Variants in STK31 observed in about 807,000 individuals in gnomAD.
STK31 encodes the protein serine/threonine-protein kinase 31.
In STK31, 89 loss-of-function variants were observed where a neutral mutation model predicts 129.7. The observed-to-expected ratio is 0.69, with a 90% CI of 0.58 to 0.82. STK31 has a LOEUF of 0.82. Among genes scored for constraint, STK31 ranks in the 40% least tolerant of loss-of-function variants. The probability of loss-of-function intolerance (pLI) is 0.00; values close to 1 mark genes in which losing one functional copy is unlikely to be tolerated. For synonymous variants in STK31, 448 were observed against 395.3 expected (o/e 1.13, Z -1.58); for missense variants, 1,187 against 1,176.4 (o/e 1.01, Z -0.13).
intron 15 of STK31, among the ~76,000 whole-genome samples, chr7:23,777,563 A>T (rs1463918360): frequency 6.6e-6 from 1 of 152,040 alleles, no homozygotes; most frequent in African/African-American, 2.4e-5. Context: ...TGTTGCACTG[A>T]TCCCTTTACC....
At chr7:23,818,360 A>T (rs1210879684) in intron 23 of STK31, among the ~76,000 whole-genome samples, 1 of 152,146 alleles carries the variant, frequency 6.6e-6, no homozygotes, top group African/African-American at 2.4e-5. Context: ...TTAAATTTAC[A>T]TTCAGTTTTT....
chr7:23,764,353 T>C (rs192046190), intron 11 of STK31, among the ~76,000 whole-genome samples: 12 of 152,224 alleles, frequency 7.9e-5, no homozygotes, highest in African/African-American at 2.2e-4. Context: ...TTGCCTTAAC[T>C]GGCTTGTCTC....
intron 22 of STK31, among the ~76,000 whole-genome samples, chr7:23,793,823 G>A (rs935991469): frequency 2.0e-5 from 3 of 152,184 alleles, no homozygotes; most frequent in Admixed American, 6.5e-5. Context: ...ACATTTGGCA[G>A]TTTGTTAAAA....
At chr7:23,733,371 G>GC in intron 6 of STK31, among the ~76,000 whole-genome samples, 1 of 150,744 alleles carries the variant, frequency 6.6e-6, no homozygotes, top group East Asian at 1.9e-4. Context: ...AGCAAACATA[G>GC]CAAGACCCCA....
chr7:23,775,122 CA>C (rs138556651), intron 15 of STK31, among the ~76,000 whole-genome samples: 4,688 of 152,162 alleles, frequency 0.031, 245 homozygotes, highest in African/African-American at 0.11. Context: ...TCAGGTTTGT[CA>C]AAGATCAGAT....
At chr7:23,731,335 C>T (rs1787421384) in intron 6 of STK31, among the ~76,000 whole-genome samples, 1 of 152,172 alleles carries the variant, frequency 6.6e-6, no homozygotes, top group Non-Finnish European at 1.5e-5. Flanking sequence ...CAAAGCTCAA[C>T]TCTAATCTTC....
chr7:23,800,467 C>A (rs983266359), intron 22 of STK31, among the ~76,000 whole-genome samples: 25 of 152,112 alleles, frequency 1.6e-4, no homozygotes, highest in African/African-American at 6.0e-4. Flanking sequence ...TCATTCTCAG[C>A]AAACTAACAC....
intron 23 of STK31, among the ~76,000 whole-genome samples, chr7:23,819,041 A>G (rs2390817): frequency 0.74 from 112,151 of 152,166 alleles, 41,718 homozygotes; most frequent in African/African-American, 0.82. Context: ...TTGGATTAAT[A>G]TAAACTTTTT....
chr7:23,710,339 A>T lies in STK31; in HGVS notation c.50+4A>T. On this transcript the variant is annotated splice_donor_region_variant and intron_variant, in intron 1 of 23. Coordinates refer to ENST00000355870, the MANE Select transcript of STK31 (RefSeq NM_031414.5). The stretch of plus-strand genomic sequence containing the variant: ...CTTCCGCAACGGAAAGTGTGAGGTC[A>T]GTAGTAGTTTTTGTGGTACGTGCAG... The T allele has an allele frequency of 6.2e-7, 1 of 1,613,470 alleles. No homozygotes were observed. Among genetic ancestry groups the T allele is most frequent in the Non-Finnish European group, 8.5e-7 (1 of 1,179,916 alleles).
intron 22 of STK31, among the ~76,000 whole-genome samples, chr7:23,809,838 A>C (rs945556658): frequency 6.6e-6 from 1 of 152,084 alleles, no homozygotes; most frequent in East Asian, 1.9e-4. Context: ...GGTAGGCTAC[A>C]TGTATAGCCT....
chr7:23,715,856 A>G (rs1211669881), intron 3 of STK31, among the ~76,000 whole-genome samples: 2 of 151,896 alleles, frequency 1.3e-5, no homozygotes, highest in African/African-American at 4.8e-5. Context: ...TCTTTAGAAC[A>G]TATATATATA....
chr7:23,829,176 G>A (rs200562947), intron 23 of STK31, among the ~76,000 whole-genome samples: 1 of 152,006 alleles, frequency 6.6e-6, no homozygotes, highest in African/African-American at 2.4e-5. Flanking sequence ...CTCCCAAAGT[G>A]ATGGGATTAC....
At chr7:23,712,524 G>T (rs1317390892) in intron 3 of STK31, among the ~76,000 whole-genome samples, 1 of 152,090 alleles carries the variant, frequency 6.6e-6, no homozygotes, top group African/African-American at 2.4e-5. Flanking sequence ...AAGAAAATTG[G>T]CAAGATTGTG....
intron 3 of STK31, among the ~76,000 whole-genome samples, chr7:23,712,681 T>A (rs1374932179): frequency 6.6e-6 from 1 of 152,178 alleles, no homozygotes; most frequent in Non-Finnish European, 1.5e-5. Flanking sequence ...TTTTTTCTAA[T>A]GGCTTAAATT....
chr7:23,791,088 G>A, intron 22 of STK31, 142 bp downstream of exon 22: 2 of 926,636 alleles, frequency 2.2e-6, no homozygotes, highest in Non-Finnish European at 2.9e-6. Flanking sequence ...CTATTGATAT[G>A]CTTCCTATTA....
intron 23 of STK31, among the ~76,000 whole-genome samples, chr7:23,816,915 G>A (rs530012373): frequency 6.6e-6 from 1 of 152,162 alleles, no homozygotes; most frequent in Admixed American, 6.5e-5. Context: ...GCCAGGCATG[G>A]TGGCTCACGC....
Position 23,717,544 on chromosome 7 carries a change from G to A in STK31, c.214G>A (p.Ala72Thr), listed in dbSNP as rs1319090906. ...GCSLSEVCPQASSVLGNLDPN... is the reference protein window; with the variant it reads ...GCSLSEVCPQTSSVLGNLDPN... ...CTCACTGTCTGAAGTTTGCCCCCAG[G>A]CCAGTTCAGTTTTGGGGAATCTTGA... is the stretch of plus-strand genomic sequence containing the variant. The change falls in exon 4 of 24, where the codon GCC becomes ACC. Residue 72 changes from alanine to threonine, a missense_variant. This residue lies in a region of STK31 where 104 missense variants were observed against 98.3 expected (regional missense o/e 1.06). Transcript: ENST00000355870. The A allele has an allele frequency of 5.0e-6, 8 of 1,612,690 alleles. No homozygotes were observed. The highest frequency in any genetic ancestry group is 3.3e-4 in the Middle Eastern group (2 of 6,082).
intron 8 of STK31, among the ~76,000 whole-genome samples, chr7:23,747,402 C>G (rs532031981): frequency 6.6e-6 from 1 of 151,658 alleles, no homozygotes; most frequent in Admixed American, 6.6e-5. Flanking sequence ...CGGAGTCTCA[C>G]TCTGTTGCCC....
chr7:23,746,911 C>T (rs960671913), intron 8 of STK31, among the ~76,000 whole-genome samples: 1 of 151,552 alleles, frequency 6.6e-6, no homozygotes, highest in Non-Finnish European at 1.5e-5. Context: ...ATAAATTAAA[C>T]TTTTTACTTT....
Sources: allele counts gnomAD v4.1 joint callset (sites outside exome capture counted in the v4.1 genomes callset), GRCh38; gene constraint gnomAD v4.1.1; regional missense constraint gnomAD v4.1.1; transcripts MANE v1.5; gene names NCBI Gene and HGNC (gene_info 2026-07-23, HGNC 2026-07-21).